Variants in KBTBD2 observed in about 807,000 individuals in gnomAD.
KBTBD2 encodes kelch repeat and BTB domain-containing protein 2.
In KBTBD2, 17 loss-of-function variants were observed where a neutral mutation model predicts 57.1. That is an observed-to-expected ratio of 0.30 (90% CI 0.20 to 0.45). The LOEUF is 0.45. KBTBD2 is among the 20% of genes least tolerant of loss of function. The pLI is 1.00. For missense variants in KBTBD2, 515 were observed against 750.6 expected, an observed-to-expected ratio of 0.69 and a Z score of 3.67; for synonymous variants, 267 against 262.7, an observed-to-expected ratio of 1.02 and a Z score of -0.16.
chr7:32,869,590 A>C lies in KBTBD2; in HGVS notation c.1627T>G (p.Leu543Val). The C allele has an allele frequency of 6.2e-7, 1 of 1,614,162 alleles. No individual in the cohort carries two copies. Among genetic ancestry groups the C allele is most frequent in the Non-Finnish European group, 8.5e-7 (1 of 1,180,012 alleles). Residue 543 changes from leucine (L) to valine (V), a missense_variant, in exon 4 of 4, where the codon TTA (leucine) becomes GTA (valine). Physicochemically the swap from Leu to Val is conservative, Grantham distance 32. Transcript: ENST00000304056. ...SLCVFMRETH[L>V]NERAKYVTYQ... ...GTGACGTATTTAGCTCGCTCATTTA[A>C]GTGGGTTTCTCGCATAAACACACAT...
intron 2 of KBTBD2, 44 bp from the exon 3 acceptor site, chr7:32,875,201 A>G: frequency 1.3e-6 from 2 of 1,534,994 alleles, no homozygotes; most frequent in Non-Finnish European, 1.8e-6. Flanking sequence ...GGTTTTGTGT[A>G]AAACAAATGT....
At chr7:32,878,912 G>A (rs1418920714) in intron 2 of KBTBD2, among the ~76,000 whole-genome samples, 8 of 152,098 alleles carry the variant, frequency 5.3e-5, no homozygotes, top group Non-Finnish European at 7.4e-5. Context: ...GAACACCAAC[G>A]TTACTAGTTA....
chr7:32,868,758 G>C lies in KBTBD2; in HGVS notation c.*587C>G, dbSNP rs1250693195. Reference sequence around the variant, plus strand: ...ATAGACAAGTATAAGTTAGTGAAAAGAGAATACATGCACCTAATAGTATAG... The same window carrying C: ...ATAGACAAGTATAAGTTAGTGAAAACAGAATACATGCACCTAATAGTATAG... On this transcript the variant is annotated 3_prime_UTR_variant, in exon 4 of 4. Coordinates refer to ENST00000304056, the MANE Select transcript of KBTBD2 (RefSeq NM_015483.3). The C allele has an allele frequency of 6.6e-6, 1 of 152,670 alleles. No homozygotes were observed. The highest frequency in any genetic ancestry group is 1.5e-5 in the Non-Finnish European group (1 of 68,090). 9.5% of individuals were successfully genotyped at this position (152,670 alleles called of 1,614,324 possible).
intron 1 of KBTBD2, among the ~76,000 whole-genome samples, chr7:32,887,215 A>T (rs576382221): frequency 6.6e-6 from 1 of 152,354 alleles, no homozygotes; most frequent in East Asian, 1.9e-4. Context: ...GGAAGAAAGG[A>T]TAAAAAGATG....
At chr7:32,873,409 A>G (rs967545056) in intron 3 of KBTBD2, among the ~76,000 whole-genome samples, 12 of 149,252 alleles carry the variant, frequency 8.0e-5, no homozygotes, top group Non-Finnish European at 1.8e-4. Context: ...AAAAAATTGA[A>G]ACACTTAAAT....
Position 32,870,545 on chromosome 7 carries a change from T to A in KBTBD2, c.672A>T (p.Ala224=). 1.2e-6 allele frequency: 2 copies of A among 1,614,200 alleles called. No homozygotes were observed. The highest frequency in any genetic ancestry group is 1.7e-6 in the Non-Finnish European group (2 of 1,180,038). ...SSVLSQIRID[A]LSEVTQRAWF... ...AAGCTCTCTGTGTTACTTCTGAAAG[T>A]GCATCAATTCTGATTTGGCTAAGAA... The change falls in exon 4 of 4, where the codon GCA becomes GCT. Residue 224 remains alanine (A), a synonymous_variant. Transcript: ENST00000304056.
Position 32,879,639 on chromosome 7 carries a change from A to G in KBTBD2, c.-35T>C. 6.3e-7 allele frequency: 1 copy of G among 1,581,418 alleles called. No homozygotes were observed. The highest frequency in any genetic ancestry group is 8.6e-7 in the Non-Finnish European group (1 of 1,157,288). ...CCATTAATATCTCCAGGAACAGATT[A>G]GAAAAGTCCGTCTTACTGATGGAAG... On this transcript the variant is annotated 5_prime_UTR_variant, in exon 2 of 4. Transcript: ENST00000304056.
chr7:32,876,634 T>A (rs1458474892), intron 2 of KBTBD2, among the ~76,000 whole-genome samples: 1 of 152,094 alleles, frequency 6.6e-6, no homozygotes, highest in African/African-American at 2.4e-5. Context: ...GGTAAGAAAC[T>A]AAGTTATATT....
At chr7:32,872,004 T>C (rs770101153) in intron 3 of KBTBD2, among the ~76,000 whole-genome samples, 2 of 152,194 alleles carry the variant, frequency 1.3e-5, no homozygotes, top group Admixed American at 6.5e-5. Flanking sequence ...CTTAATGCCT[T>C]AGTAATTCTG....
At chr7:32,886,001 C>T (rs535239064) in intron 1 of KBTBD2, among the ~76,000 whole-genome samples, 10 of 151,906 alleles carry the variant, frequency 6.6e-5, no homozygotes, top group African/African-American at 2.2e-4. Flanking sequence ...CTCCACCACC[C>T]GGGTTCAAGC....
intron 1 of KBTBD2, among the ~76,000 whole-genome samples, chr7:32,887,977 C>A (rs969539661): frequency 2.0e-5 from 3 of 152,202 alleles, no homozygotes; most frequent in African/African-American, 4.8e-5. Context: ...ATTAACCCAC[C>A]CACTGGTGAA....
rs1784282223 is a variant in KBTBD2 at position 32,875,175 on chromosome 7, A to G, written c.171-18T>C. 2 of 1,609,768 alleles carry G rather than the reference A, an allele frequency of 1.2e-6. No individual in the cohort carries two copies. The highest frequency in any genetic ancestry group is 1.7e-6 in the Non-Finnish European group (2 of 1,177,830). ...ACATGGCCCTACAGGGGAGATGAAG[A>G]AAACAAAGTTGTAAGGGTTTTGTGT... is the stretch of plus-strand genomic sequence containing the variant. On this transcript the variant is annotated intron_variant, in intron 2 of 3. Transcript: ENST00000304056.
At chr7:32,881,810 C>T (rs561176967) in intron 1 of KBTBD2, among the ~76,000 whole-genome samples, 1 of 152,322 alleles carries the variant, frequency 6.6e-6, no homozygotes, top group African/African-American at 2.4e-5. Flanking sequence ...AGCATTCTTA[C>T]ACAGAGGAGT....
intron 3 of KBTBD2, among the ~76,000 whole-genome samples, chr7:32,873,009 T>C (rs912991449): frequency 6.6e-6 from 1 of 152,174 alleles, no homozygotes; most frequent in Non-Finnish European, 1.5e-5. Context: ...ACCAGTGTCA[T>C]GCATACTCAT....
intron 1 of KBTBD2, among the ~76,000 whole-genome samples, chr7:32,890,029 A>G (rs950606112): frequency 2.6e-5 from 4 of 152,354 alleles, no homozygotes; most frequent in Admixed American, 6.5e-5. Context: ...TGTGAATAAC[A>G]TAAGTTAACA....
At chr7:32,881,121 T>C (rs1001591804) in intron 1 of KBTBD2, among the ~76,000 whole-genome samples, 2 of 150,088 alleles carry the variant, frequency 1.3e-5, no homozygotes, top group Non-Finnish European at 3.0e-5. Context: ...AAAAAGAAAT[T>C]AGATATGATA....
At chr7:32,871,769 T>C (rs1464733159) in intron 3 of KBTBD2, among the ~76,000 whole-genome samples, 3 of 152,154 alleles carry the variant, frequency 2.0e-5, no homozygotes, top group African/African-American at 7.2e-5. Context: ...TACTGAAACA[T>C]ATGATCACTT....
rs1055522078 is a variant in KBTBD2, at chr7:32,868,854, G to A, written c.*491C>T. On this transcript the variant is annotated 3_prime_UTR_variant, in exon 4 of 4. Coordinates refer to ENST00000304056, the MANE Select transcript of KBTBD2 (RefSeq NM_015483.3). ...AATTATGGAAGATCTTCCTCAACTA[G>A]AGTATAGGATTTAGACATTTCTATA... 1.5e-4 allele frequency: 23 copies of A among 154,730 alleles called. No individual in the cohort carries two copies. The highest frequency in any genetic ancestry group is 5.3e-4 in the African/African-American group (22 of 41,434). 9.6% of individuals were successfully genotyped at this position (154,730 alleles called of 1,614,324 possible).
At chr7:32,888,160 C>T (rs1784628201) in intron 1 of KBTBD2, among the ~76,000 whole-genome samples, 1 of 152,144 alleles carries the variant, frequency 6.6e-6, no homozygotes, top group Non-Finnish European at 1.5e-5. Flanking sequence ...TTTTTGCAAA[C>T]ATTTGACACT....
Sources: allele counts gnomAD v4.1 joint callset (sites outside exome capture counted in the v4.1 genomes callset), GRCh38; gene constraint gnomAD v4.1.1; transcripts MANE v1.5; gene names NCBI Gene and HGNC (gene_info 2026-07-23, HGNC 2026-07-21).